The following AGBL1 variants were observed in gnomAD, a reference collection of about 807,000 sequenced individuals.
AGBL1 encodes AGBL carboxypeptidase 1.
Under a neutral mutation model 118.9 loss-of-function variants are expected in AGBL1, and 130 were observed. The ratio of observed to expected loss-of-function variants is 1.09; its 90% CI spans 0.95 to 1.26. The LOEUF (loss-of-function observed/expected upper bound fraction) is 1.26. AGBL1 is among the 50% of genes most tolerant of loss of function. AGBL1 has a pLI of 0.00. For synonymous variants in AGBL1, 555 were observed against 478.9 expected, an observed-to-expected ratio of 1.16 and a Z score of -2.08; for missense variants, 1,584 against 1,298.1, an observed-to-expected ratio of 1.22 and a Z score of -3.38.
At chr15:86,698,742 A>T (rs1027156574) in intron 22 of AGBL1, among the ~76,000 whole-genome samples, 3 of 151,918 alleles carry the variant, frequency 2.0e-5, no homozygotes, top group Non-Finnish European at 4.4e-5. Context: ...GATGCCTAAA[A>T]AAGACAGTAG....
intron 23 of AGBL1, among the ~76,000 whole-genome samples, chr15:86,930,104 C>T (rs1014563488): frequency 1.3e-5 from 2 of 152,102 alleles, no homozygotes. Flanking sequence ...TAAAAGGGCA[C>T]AAATAAATGA....
At chr15:86,781,361 A>T (rs546182555) in intron 22 of AGBL1, among the ~76,000 whole-genome samples, 3 of 152,156 alleles carry the variant, frequency 2.0e-5, no homozygotes, top group African/African-American at 7.2e-5. Context: ...AGTGCACATT[A>T]TGCCTCTAAT....
chr15:86,735,473 A>C (rs12050730), intron 22 of AGBL1, among the ~76,000 whole-genome samples: 1 of 152,194 alleles, frequency 6.6e-6, no homozygotes, highest in East Asian at 1.9e-4. Context: ...GAAAATGCAC[A>C]CATATATATT....
chr15:86,690,219 G>A (rs574699052), intron 22 of AGBL1, among the ~76,000 whole-genome samples: 1 of 152,192 alleles, frequency 6.6e-6, no homozygotes, highest in South Asian at 2.1e-4. Context: ...TTAAAGTCTT[G>A]CTTATAGCAA....
intron 21 of AGBL1, among the ~76,000 whole-genome samples, chr15:86,640,119 C>G (rs1251460167): frequency 3.3e-5 from 5 of 152,020 alleles, no homozygotes; most frequent in Non-Finnish European, 7.4e-5. Context: ...CATCATCATC[C>G]TCTAGCACAT....
chr15:86,592,265 G>A (rs1284889848), intron 21 of AGBL1, among the ~76,000 whole-genome samples: 5 of 152,180 alleles, frequency 3.3e-5, no homozygotes, highest in Admixed American at 1.3e-4. Context: ...CGAATCCAAC[G>A]GGTCTGCAGC....
intron 19 of AGBL1, among the ~76,000 whole-genome samples, chr15:86,542,400 C>T (rs12912601): frequency 3.0e-4 from 35 of 116,962 alleles, no homozygotes; most frequent in Non-Finnish European, 3.1e-4. Context: ...GAGTTTTGTT[C>T]TTTTTGACCA....
At chr15:86,172,000 AAGT>A (rs2077422860) in intron 5 of AGBL1, among the ~76,000 whole-genome samples, 1 of 152,204 alleles carries the variant, frequency 6.6e-6, no homozygotes, top group African/African-American at 2.4e-5. Flanking sequence ...TGAGTGTGCA[AAGT>A]CATAAGAATG....
chr15:86,289,843 C>A (rs1316032372), intron 16 of AGBL1, among the ~76,000 whole-genome samples: 2 of 152,202 alleles, frequency 1.3e-5, no homozygotes, highest in Non-Finnish European at 2.9e-5. Context: ...TTCAAAGTTC[C>A]TTTACTGTGT....
At chr15:86,267,176 G>A in intron 13 of AGBL1, 100 bp downstream of exon 13, 1 of 911,136 alleles carries the variant, frequency 1.1e-6, no homozygotes, top group Non-Finnish European at 1.7e-6. Flanking sequence ...TGCATTGGTG[G>A]CTTGAAATCA....
intron 23 of AGBL1, among the ~76,000 whole-genome samples, chr15:86,938,058 G>C (rs1167151063): frequency 2.3e-5 from 3 of 132,894 alleles, no homozygotes; most frequent in Non-Finnish European, 5.4e-5. Flanking sequence ...TCCTTGTTTT[G>C]AGACACACTA....
intron 17 of AGBL1, among the ~76,000 whole-genome samples, chr15:86,313,318 AAAAC>A (rs1463178150): frequency 6.6e-6 from 1 of 152,222 alleles, no homozygotes; most frequent in Non-Finnish European, 1.5e-5. Flanking sequence ...CTTTAGAAAA[AAAAC>A]AAAGAATTCC....
At chr15:86,263,671 C>G (rs190224929) in intron 10 of AGBL1, among the ~76,000 whole-genome samples, 1 of 152,316 alleles carries the variant, frequency 6.6e-6, no homozygotes, top group African/African-American at 2.4e-5. Flanking sequence ...AACATTAGAC[C>G]TGGTGATGCT....
chr15:86,110,780 C>T (rs555701695), intron 1 of AGBL1, among the ~76,000 whole-genome samples: 11 of 152,202 alleles, frequency 7.2e-5, no homozygotes, highest in Admixed American at 3.3e-4. Context: ...ATGGTTGATT[C>T]GGTGAACAGT....
intron 22 of AGBL1, among the ~76,000 whole-genome samples, chr15:86,690,163 G>C (rs1474368016): frequency 6.6e-6 from 1 of 152,072 alleles, no homozygotes; most frequent in African/African-American, 2.4e-5. Context: ...ATAAGAAATA[G>C]GTAGTGTTCT....
At chr15:86,330,066 G>A (rs1250741329) in intron 17 of AGBL1, among the ~76,000 whole-genome samples, 4 of 152,194 alleles carry the variant, frequency 2.6e-5, no homozygotes, top group African/African-American at 9.7e-5. Flanking sequence ...ACTGATGCTT[G>A]TGCCTACCAT....
intron 9 of AGBL1, among the ~76,000 whole-genome samples, chr15:86,262,077 G>GTTTTTTTTTTTTTTTTTTT (rs1491268138): frequency 2.9e-3 from 10 of 3,472 alleles, no homozygotes; most frequent in Non-Finnish European, 4.3e-3. Flanking sequence ...TGCATAGCTG[G>GTTTTTTTTTTTTTTTTTTT]CTTTTTTTTT....
At chr15:86,412,122 T>C (rs138611905) in intron 18 of AGBL1, among the ~76,000 whole-genome samples, 48 of 152,336 alleles carry the variant, frequency 3.2e-4, no homozygotes, top group African/African-American at 1.1e-3. Context: ...AGCTTGGGAA[T>C]TGCAAATAAT....
chr15:86,085,855 C>A (rs1016389291), intron 1 of AGBL1, among the ~76,000 whole-genome samples: 2 of 152,216 alleles, frequency 1.3e-5, no homozygotes, highest in African/African-American at 4.8e-5. Flanking sequence ...ATCAAAGCAG[C>A]TCTGACAGCA....
Sources: gnomAD v4.1 joint callset for allele counts (sites outside exome capture counted in the v4.1 genomes callset) on GRCh38, gnomAD v4.1.1 for gene constraint, MANE v1.5 for transcripts, NCBI Gene and HGNC (gene_info 2026-07-23, HGNC 2026-07-21) for gene names.